The following C2orf80 variants were observed in gnomAD, a reference collection of about 807,000 sequenced individuals.
C2orf80 encodes uncharacterized protein C2orf80.
C2orf80 carries 28 observed loss-of-function variants against 30.2 expected under a neutral mutation model. That is an observed-to-expected ratio of 0.93 (90% CI 0.69 to 1.27). C2orf80 has a LOEUF of 1.27. C2orf80 is among the 50% of genes most tolerant of loss of function. The pLI, the probability that C2orf80 is intolerant of heterozygous loss-of-function variation, is 0.00. For missense variants in C2orf80, 220 were observed against 231.0 expected (o/e 0.95, Z 0.31); for synonymous variants, 80 against 76.4 (o/e 1.05, Z -0.24).
chr2:208,184,257 C>G (rs1445095330), intron 3 of C2orf80, among the ~76,000 whole-genome samples: 1 of 151,732 alleles, frequency 6.6e-6, no homozygotes, highest in Non-Finnish European at 1.5e-5. Context: ...TTGAGAAGCA[C>G]TGCTCTAATC....
chr2:208,189,593 G>A (rs142879950), intron 1 of C2orf80, among the ~76,000 whole-genome samples: 263 of 152,298 alleles, frequency 1.7e-3, no homozygotes, highest in African/African-American at 6.0e-3. Context: ...GCTACGCCTG[G>A]TCTAAAGAAG....
chr2:208,189,418 A>G (rs886481553), intron 1 of C2orf80, among the ~76,000 whole-genome samples: 8 of 152,190 alleles, frequency 5.3e-5, no homozygotes, highest in Non-Finnish European at 1.0e-4. Flanking sequence ...CTCCCAAACC[A>G]CTAAACTGTA....
Position 208,165,638 on chromosome 2 carries a change from T to A in C2orf80, c.*169A>T. On this transcript the variant is annotated 3_prime_UTR_variant, in exon 9 of 9. Transcript: ENST00000341287. ...TTTTTAAGAAAATGTAGCCATGCAATATGCTTCTAAAAGAAGAAAGCTCAA... is the reference window on the plus strand; with the variant it reads ...TTTTTAAGAAAATGTAGCCATGCAAAATGCTTCTAAAAGAAGAAAGCTCAA... 1 of 745,428 alleles carries A rather than the reference T, an allele frequency of 1.3e-6. No homozygotes were observed. The highest frequency in any genetic ancestry group is 2.1e-6 in the Non-Finnish European group (1 of 486,498). The allele number at this position is 745,428 out of a possible 1,614,324, so 46.2% of individuals were successfully genotyped here. A position where few individuals can be genotyped will look rare whatever the true frequency, so the allele number is the denominator to read the frequency against.
Position 208,165,800 on chromosome 2 carries a change from C to G in C2orf80, c.*7G>C, listed in dbSNP as rs749591380. On this transcript the variant is annotated 3_prime_UTR_variant, in exon 9 of 9. Coordinates refer to ENST00000341287, the MANE Select transcript of C2orf80 (RefSeq NM_001099334.3). ...ATTATGAAGTTCCATGGTACAATTCCAATTTTCTAAGTGACCTGCAGAATA... is the reference window on the plus strand; with the variant it reads ...ATTATGAAGTTCCATGGTACAATTCGAATTTTCTAAGTGACCTGCAGAATA... 6.2e-7 allele frequency: 1 copy of G among 1,611,384 alleles called. No individual in the cohort carries two copies. Among genetic ancestry groups the G allele is most frequent in the South Asian group, 1.1e-5 (1 of 90,474 alleles).
intron 3 of C2orf80, among the ~76,000 whole-genome samples, chr2:208,183,945 A>G (rs750371342): frequency 9.2e-5 from 14 of 152,238 alleles, no homozygotes; most frequent in Non-Finnish European, 1.5e-4. Context: ...ACACACAGAA[A>G]ACGGAAGATT....
chr2:208,169,558 C>T (rs1209606269), intron 8 of C2orf80, among the ~76,000 whole-genome samples: 1 of 151,482 alleles, frequency 6.6e-6, no homozygotes, highest in Non-Finnish European at 1.5e-5. Flanking sequence ...ACTGAAAATA[C>T]AAAAATTAGC....
At chr2:208,177,154 A>G (rs879755538) in intron 6 of C2orf80, among the ~76,000 whole-genome samples, 3 of 147,274 alleles carry the variant, frequency 2.0e-5, no homozygotes, top group Non-Finnish European at 3.0e-5. Flanking sequence ...TATTATATAT[A>G]GTGTGTGCAT....
At chr2:208,183,149 G>A (rs939649838) in intron 3 of C2orf80, 102 bp from the exon 4 acceptor site, 8 of 841,414 alleles carry the variant, frequency 9.5e-6, no homozygotes, top group Admixed American at 2.1e-5. Context: ...ATTCTAGTCT[G>A]TCATGTCCAA....
At chr2:208,178,083 G>T (rs1292833271) in intron 6 of C2orf80, among the ~76,000 whole-genome samples, 4 of 152,018 alleles carry the variant, frequency 2.6e-5, no homozygotes, top group Admixed American at 2.6e-4. Context: ...CTCCTAAGGT[G>T]CTGGTATTAC....
Position 208,176,952 on chromosome 2 carries a change from TCTGTATACATATGTATACATATATACA to T in C2orf80, c.366+3766_366+3792del. On this transcript the variant is annotated intron_variant, in intron 6 of 8. Coordinates refer to ENST00000341287, the MANE Select transcript of C2orf80 (RefSeq NM_001099334.3). The stretch of plus-strand genomic sequence containing the variant: ...ATATGTATACATATCTGTATACATA[TCTGTATACATATGTATACATATATACA>T]GAAATGTATATGTATACATATATAC... Among the ~76,000 whole-genome samples the T allele has an allele frequency of 5.0e-5, 2 of 40,400 alleles. 1 individual carries two copies. Among genetic ancestry groups the T allele is most frequent in the African/African-American group, 2.0e-4 (2 of 10,172 alleles). The allele number at this position is 40,400 out of a possible 152,430, so 26.5% of individuals were successfully genotyped here.
chr2:208,177,828 A>ATTTT (rs1230908671), intron 6 of C2orf80, among the ~76,000 whole-genome samples: 4 of 146,714 alleles, frequency 2.7e-5, no homozygotes, highest in African/African-American at 5.3e-5. Flanking sequence ...TTATTTATTT[A>ATTTT]TTTTTTATTT....
intron 1 of C2orf80, among the ~76,000 whole-genome samples, chr2:208,187,613 A>AAGTCACCAAAAAGGAGTCTAT (rs1696755947): frequency 6.6e-6 from 1 of 152,168 alleles, no homozygotes; most frequent in Non-Finnish European, 1.5e-5. Flanking sequence ...AAGGAGTCTG[A>AAGTCACCAAAAAGGAGTCTAT]AGTCACCAAA....
intron 6 of C2orf80, among the ~76,000 whole-genome samples, chr2:208,177,008 TATA>T (rs1696368747): frequency 1.1e-5 from 1 of 89,802 alleles, no homozygotes; most frequent in Non-Finnish European, 2.4e-5. Context: ...TATATACATA[TATA>T]CAGATACATA....
At chr2:208,183,178 C>T in intron 3 of C2orf80, 131 bp from the exon 4 acceptor site, 1 of 595,824 alleles carries the variant, frequency 1.7e-6, no homozygotes, top group South Asian at 2.7e-5. Context: ...GGATCATTAG[C>T]TTTAATAACC....
chr2:208,184,429 T>C (rs1219651132), intron 3 of C2orf80, among the ~76,000 whole-genome samples: 1 of 152,044 alleles, frequency 6.6e-6, no homozygotes, highest in African/African-American at 2.4e-5. Context: ...AGTGTAAGGA[T>C]AGTAAATGGG....
intron 8 of C2orf80, among the ~76,000 whole-genome samples, chr2:208,166,259 T>C (rs1695883632): frequency 2.0e-5 from 3 of 152,122 alleles, no homozygotes; most frequent in Non-Finnish European, 4.4e-5. Context: ...TTCTAATGGC[T>C]CAGAAAAAAA....
intron 1 of C2orf80, among the ~76,000 whole-genome samples, chr2:208,187,874 G>T (rs879629121): frequency 2.0e-5 from 3 of 151,562 alleles, no homozygotes; most frequent in Non-Finnish European, 4.4e-5. Context: ...CCAATCAGTC[G>T]AAAGCCTTGA....
chr2:208,175,251 C>T (rs950771601), intron 6 of C2orf80, among the ~76,000 whole-genome samples: 5 of 151,154 alleles, frequency 3.3e-5, no homozygotes, highest in African/African-American at 1.2e-4. Context: ...GCCAAGATCA[C>T]ACCACTGCAC....
At chr2:208,180,625 C>A in intron 6 of C2orf80, 120 bp downstream of exon 6, 1 of 767,450 alleles carries the variant, frequency 1.3e-6, no homozygotes, top group Admixed American at 2.7e-5. Context: ...TGGTTTTGTA[C>A]ATTTTGATGT....
Sources: gnomAD v4.1 joint callset for allele counts (sites outside exome capture counted in the v4.1 genomes callset) on GRCh38, gnomAD v4.1.1 for gene constraint, MANE v1.5 for transcripts, NCBI Gene and HGNC (gene_info 2026-07-23, HGNC 2026-07-21) for gene names.